AGBL4: variants seen among roughly 807,000 people sequenced by gnomAD.
AGBL4 encodes the protein cytosolic carboxypeptidase 6.
Under a neutral mutation model 66.4 loss-of-function variants are expected in AGBL4, and 58 were observed. The observed-to-expected ratio is 0.87, with a 90% CI of 0.71 to 1.09. The LOEUF (loss-of-function observed/expected upper bound fraction) is 1.09, where lower values mean the gene tolerates loss of function less well. Among genes scored for constraint, AGBL4 ranks in the 50% least tolerant of loss-of-function variants. The pLI is 0.00. For missense variants in AGBL4, 579 were observed against 631.0 expected, an observed-to-expected ratio of 0.92 and a Z score of 0.88; for synonymous variants, 234 against 222.9, an observed-to-expected ratio of 1.05 and a Z score of -0.44.
At chr1:49,889,227 T>A (rs928798638) in intron 1 of AGBL4, among the ~76,000 whole-genome samples, 1 of 152,180 alleles carries the variant, frequency 6.6e-6, no homozygotes, top group Non-Finnish European at 1.5e-5. Context: ...TAGTCGTAGC[T>A]ACTCCAGAAG....
chr1:49,689,774 A>C (rs1163795896), intron 3 of AGBL4, among the ~76,000 whole-genome samples: 1 of 152,162 alleles, frequency 6.6e-6, no homozygotes, highest in Admixed American at 6.5e-5. Context: ...TCCATAAACG[A>C]GAGCTTTCAG....
intron 6 of AGBL4, among the ~76,000 whole-genome samples, chr1:48,830,143 T>C (rs564198962): frequency 1.2e-4 from 18 of 152,356 alleles, no homozygotes; most frequent in Non-Finnish European, 2.4e-4. Flanking sequence ...ATTCCATCTA[T>C]ACTACTTACC....
chr1:48,684,917 G>C (rs141216912), intron 6 of AGBL4, among the ~76,000 whole-genome samples: 1 of 152,322 alleles, frequency 6.6e-6, no homozygotes, highest in African/African-American at 2.4e-5. Context: ...CAGGTAATCA[G>C]AGGGCCCAGT....
At position 49,387,547 on chromosome 1, in the gene AGBL4, A is replaced by C. The variant is rs187288238; in HGVS notation, c.283-141683T>G. Among the ~76,000 whole-genome samples, 100 of 152,088 alleles carry C rather than the reference A, an allele frequency of 6.6e-4. 1 individual carries two copies. The highest frequency in any genetic ancestry group is 1.6e-3 in the African/African-American group (68 of 41,542). On this transcript the variant is annotated intron_variant, in intron 3 of 13. Transcript: ENST00000371839. ...ATTCCATTGAGATTTTAAGTAATGA[A>C]CTAATAGATACCCAAACTGAAAAAG...
At chr1:49,959,295 T>C (rs932243983) in intron 1 of AGBL4, among the ~76,000 whole-genome samples, 1 of 152,004 alleles carries the variant, frequency 6.6e-6, no homozygotes, top group African/African-American at 2.4e-5. Flanking sequence ...TTTTGAAAAG[T>C]TTTGATCAGC....
intron 4 of AGBL4, among the ~76,000 whole-genome samples, chr1:49,194,780 T>C: frequency 6.6e-6 from 1 of 152,096 alleles, no homozygotes; most frequent in Admixed American, 6.6e-5. Flanking sequence ...CTTGGCAGGC[T>C]GTGTAGGTTT....
chr1:49,537,000 C>A (rs1359505666), intron 3 of AGBL4, among the ~76,000 whole-genome samples: 5 of 151,034 alleles, frequency 3.3e-5, no homozygotes, highest in African/African-American at 1.2e-4. Context: ...AAGCAAGACT[C>A]CATCTCAAAA....
At chr1:48,917,170 T>C (rs540742195) in intron 5 of AGBL4, among the ~76,000 whole-genome samples, 1 of 152,158 alleles carries the variant, frequency 6.6e-6, no homozygotes, top group South Asian at 2.1e-4. Flanking sequence ...CCTGTTCTTA[T>C]TGCTGACCAA....
downstream of AGBL4, among the ~76,000 whole-genome samples, chr1:48,527,961 G>A (rs1328105946): frequency 1.3e-5 from 2 of 152,164 alleles, no homozygotes; most frequent in Non-Finnish European, 2.9e-5. Context: ...TGGGTTAACA[G>A]GAGAGCATCT....
chr1:49,937,813 C>A (rs933075286), intron 1 of AGBL4, among the ~76,000 whole-genome samples: 3 of 151,990 alleles, frequency 2.0e-5, no homozygotes, highest in Non-Finnish European at 4.4e-5. Context: ...ACACAACATA[C>A]CAGAATGTCT....
chr1:48,551,340 A>T lies in AGBL4; in HGVS notation c.1268-11602T>A, dbSNP rs578095092. Among the ~76,000 whole-genome samples, 7 of 152,342 alleles carry T rather than the reference A, an allele frequency of 4.6e-5. No individual in the cohort carries two copies. The East Asian group carries it at 1.4e-3, about 29-fold the overall frequency. On this transcript the variant is annotated intron_variant, in intron 11 of 13. Transcript: ENST00000371839. ...CTTAGTGTCCTCATCTCTAAAATAC[A>T]TAATGCTTCCTACCTCAGGATTATT...
chr1:49,640,633 T>C (rs1645762520), intron 3 of AGBL4, among the ~76,000 whole-genome samples: 2 of 152,166 alleles, frequency 1.3e-5, no homozygotes, highest in African/African-American at 4.8e-5. Context: ...AATATCATGT[T>C]CTACCATACG....
intron 1 of AGBL4, among the ~76,000 whole-genome samples, chr1:50,005,170 C>T (rs183982852): frequency 5.3e-5 from 8 of 152,216 alleles, no homozygotes; most frequent in Admixed American, 3.9e-4. Context: ...TAGTGGTTAT[C>T]GCAGGCCTTT....
chr1:49,160,103 T>G (rs899600257), intron 4 of AGBL4, among the ~76,000 whole-genome samples: 6 of 152,192 alleles, frequency 3.9e-5, no homozygotes, highest in African/African-American at 1.4e-4. Flanking sequence ...TTTTGTTCCC[T>G]TGCTGGTGAG....
At chr1:48,988,507 G>A (rs1171650436) in intron 5 of AGBL4, among the ~76,000 whole-genome samples, 5 of 152,142 alleles carry the variant, frequency 3.3e-5, no homozygotes, top group East Asian at 1.9e-4. Context: ...GGATAAGGTC[G>A]ATAAATGAAA....
chr1:49,412,432 T>C (rs1003092512), intron 3 of AGBL4, among the ~76,000 whole-genome samples: 9 of 152,172 alleles, frequency 5.9e-5, no homozygotes, highest in South Asian at 4.2e-4. Context: ...CCAAAAGCCC[T>C]CCCTCATAAT....
chr1:49,509,099 AGACAC>A (rs1328273805), intron 3 of AGBL4, among the ~76,000 whole-genome samples: 4 of 151,878 alleles, frequency 2.6e-5, no homozygotes, highest in African/African-American at 4.8e-5. Flanking sequence ...AAATGGGAGA[AGACAC>A]TTCAGGATGA....
chr1:49,173,026 G>A (rs1646766738), intron 4 of AGBL4, among the ~76,000 whole-genome samples: 3 of 152,144 alleles, frequency 2.0e-5, no homozygotes, highest in South Asian at 2.1e-4. Flanking sequence ...GGCTGAGGCA[G>A]GAGGATCGCT....
At chr1:49,090,173 G>C (rs927583525) in intron 4 of AGBL4, among the ~76,000 whole-genome samples, 4 of 152,054 alleles carry the variant, frequency 2.6e-5, no homozygotes, top group African/African-American at 9.7e-5. Flanking sequence ...TTGAGAACTG[G>C]AACAAGATAA....
Sources: allele counts gnomAD v4.1 joint callset (sites outside exome capture counted in the v4.1 genomes callset), GRCh38; gene constraint gnomAD v4.1.1; transcripts MANE v1.5; gene names NCBI Gene and HGNC (gene_info 2026-07-23, HGNC 2026-07-21).